Variants in CACNA2D4 observed in about 807,000 individuals in gnomAD.
The protein encoded by CACNA2D4 is voltage-dependent calcium channel subunit alpha-2/delta-4.
Under a neutral mutation model 163.8 loss-of-function variants are expected in CACNA2D4, and 157 were observed. That is an observed-to-expected ratio of 0.96 (90% CI 0.84 to 1.09). The LOEUF is 1.09. Ranked by LOEUF, CACNA2D4 falls within the 50% of genes least tolerant of loss-of-function variation. The probability of loss-of-function intolerance (pLI) is 0.00; values close to 1 mark genes in which losing one functional copy is unlikely to be tolerated. For synonymous variants in CACNA2D4, 598 were observed against 586.9 expected, an observed-to-expected ratio of 1.02 and a Z score of -0.27; for missense variants, 1,410 against 1,479.9, an observed-to-expected ratio of 0.95 and a Z score of 0.78.
At chr12:1,886,912 G>T in intron 7 of CACNA2D4, 97 bp downstream of exon 7, 1 of 784,744 alleles carries the variant, frequency 1.3e-6, no homozygotes, top group Non-Finnish European at 2.2e-6. Context: ...CTTGAGTGGC[G>T]GTGGGGGAAG....
chr12:1,815,998 C>G (rs1000217201), intron 26 of CACNA2D4, among the ~76,000 whole-genome samples: 3 of 152,218 alleles, frequency 2.0e-5, no homozygotes, highest in Non-Finnish European at 4.4e-5. Context: ...CCGTGCCCAA[C>G]CGCTTGCATC....
chr12:1,884,929 C>A (rs373136107), intron 10 of CACNA2D4, 48 bp from the exon 11 acceptor site: 2 of 1,600,806 alleles, frequency 1.2e-6, no homozygotes, highest in East Asian at 2.2e-5. Context: ...AGCCCACCCC[C>A]CTCCACCTGC....
intron 26 of CACNA2D4, 159 bp from the exon 27 acceptor site, chr12:1,811,882 C>T: frequency 8.1e-6 from 5 of 615,556 alleles, no homozygotes; most frequent in East Asian, 3.0e-5. Context: ...ACTGGGGTTT[C>T]TGGGGAGTGG....
chr12:1,870,203 G>A (rs1056368327), intron 18 of CACNA2D4, among the ~76,000 whole-genome samples: 3 of 152,078 alleles, frequency 2.0e-5, no homozygotes, highest in South Asian at 2.1e-4. Flanking sequence ...CCTACTACAC[G>A]TGCAAAAGCT....
Position 1,806,781 on chromosome 12 carries a change from C to G in CACNA2D4, c.2721+3497G>C, listed in dbSNP as rs769578656. On this transcript the variant is annotated intron_variant, in intron 29 of 37. Coordinates refer to ENST00000382722, the MANE Select transcript of CACNA2D4 (RefSeq NM_172364.5). This position sits in a 1 kb window ranked among gnomAD's most constrained non-coding sequence, Gnocchi z 4.1. ...GAGTCCCTAGGTCTGGGGTGGGACC[C>G]TGGCAAATCTGCATCTCTAACAAGC... Among the ~76,000 whole-genome samples the G allele has an allele frequency of 6.6e-6, 1 of 152,164 alleles. No individual in the cohort carries two copies. The highest frequency in any genetic ancestry group is 1.5e-5 in the Non-Finnish European group (1 of 68,030).
In CACNA2D4 at chr12:1,834,210, G is replaced by C; in HGVS notation, c.2551+6529C>G. 1 of 1,509,894 alleles carries C rather than the reference G, an allele frequency of 6.6e-7. No homozygotes were observed. The highest frequency in any genetic ancestry group is 2.3e-5 in the East Asian group (1 of 43,836). 93.5% of individuals were successfully genotyped at this position (1,509,894 alleles called of 1,614,324 possible). ...CGTTTTGGGGAGCTGGGGATGGGGA[G>C]AGGGAGTGCAAGTTCTAGATGCCTG... On this transcript the variant is annotated intron_variant, in intron 26 of 37. Transcript: ENST00000382722. This position sits in a 1 kb window ranked among gnomAD's most constrained non-coding sequence, Gnocchi z 7.6.
At position 1,843,277 on chromosome 12, in the gene CACNA2D4, C is replaced by A. The variant is rs1865070887; in HGVS notation, c.2470+1125G>T. Reference sequence around the variant, plus strand: ...TTCCCTGTCCTGGTCCCAGGAGGATCCCCGGGATCCTGGGCCTCCCCAGCC... The same window carrying A: ...TTCCCTGTCCTGGTCCCAGGAGGATACCCGGGATCCTGGGCCTCCCCAGCC... On this transcript the variant is annotated intron_variant, in intron 25 of 37. Coordinates refer to ENST00000382722, the MANE Select transcript of CACNA2D4 (RefSeq NM_172364.5). The surrounding 1 kb of genome is among the most constrained non-coding windows in gnomAD (Gnocchi z 4.6). 6.6e-6 allele frequency among the ~76,000 whole-genome samples: 1 copy of A among 152,076 alleles called. No individual in the cohort carries two copies. Among genetic ancestry groups the A allele is most frequent in the Non-Finnish European group, 1.5e-5 (1 of 68,016 alleles).
At chr12:1,916,237 T>C (rs536070929) in intron 1 of CACNA2D4, among the ~76,000 whole-genome samples, 82 of 152,240 alleles carry the variant, frequency 5.4e-4, no homozygotes, top group Non-Finnish European at 1.1e-3. Flanking sequence ...TGAAAAGTGA[T>C]GTGTGTACCT....
At chr12:1,860,294 T>G in intron 18 of CACNA2D4, 88 bp from the exon 19 acceptor site, 1 of 943,330 alleles carries the variant, frequency 1.1e-6, no homozygotes, top group Non-Finnish European at 1.7e-6. Flanking sequence ...GGGGTCTTCA[T>G]CGTCACTGTA....
chr12:1,884,149 TG>T, intron 12 of CACNA2D4, 93 bp downstream of exon 12: 1 of 1,089,548 alleles, frequency 9.2e-7, no homozygotes, highest in East Asian at 2.6e-5. Flanking sequence ...TAGGGGCCCA[TG>T]GGGAAGCCCG....
In CACNA2D4 at chr12:1,869,211, T is replaced by C. The variant is rs1160511605; in HGVS notation, c.1878+5393A>G. ...ACACTTCCAGACTCAATGCCCAGTGTGGTTTCGAGTCAGGGTCAGCCAAAG... is the reference window on the plus strand; with the variant it reads ...ACACTTCCAGACTCAATGCCCAGTGCGGTTTCGAGTCAGGGTCAGCCAAAG... On this transcript the variant is annotated intron_variant, in intron 18 of 37. Transcript: ENST00000382722. The surrounding 1 kb of genome is among the most constrained non-coding windows in gnomAD (Gnocchi z 4.7). Among the ~76,000 whole-genome samples, 1 of 152,236 alleles carries C rather than the reference T, an allele frequency of 6.6e-6. No homozygotes were observed. Among genetic ancestry groups the C allele is most frequent in the Admixed American group, 6.5e-5 (1 of 15,288 alleles).
chr12:1,891,605 A>G (rs1251513294), intron 6 of CACNA2D4, among the ~76,000 whole-genome samples: 3 of 152,076 alleles, frequency 2.0e-5, no homozygotes, highest in African/African-American at 7.2e-5. Flanking sequence ...TTTATATAAT[A>G]CCGGAAAATG....
In CACNA2D4 at chr12:1,884,306, A is replaced by G. The variant is rs369528514; in HGVS notation, c.1288T>C (p.Tyr430His). ...AAAGACACTTCTCTCCCAATGAGGT[A>G]AGTGAAAACTCGGACCTAACCCACA... ...WPDCKVRVFT[Y>H]LIGREVSFAD... Residue 430 changes from tyrosine (Y) to histidine (H), a missense_variant, in exon 12 of 38, where the codon TAC becomes CAC. By Grantham distance (83) the Tyr-to-His change is moderately conservative (BLOSUM62 2). Transcript: ENST00000382722. The G allele has an allele frequency of 1.1e-5, 17 of 1,612,542 alleles. No individual in the cohort carries two copies. The highest frequency in any genetic ancestry group is 1.7e-6 in the Non-Finnish European group (2 of 1,179,482).
rs201812077 is a variant in CACNA2D4 at position 1,828,804 on chromosome 12, T to C, written c.2551+11935A>G. On this transcript the variant is annotated intron_variant, in intron 26 of 37. Transcript: ENST00000382722. This position sits in a 1 kb window ranked among gnomAD's most constrained non-coding sequence, Gnocchi z 4.2. ...TCCTGCATATAGGCAGACTGAGCCG[T>C]CCATTTACCAAAAAGGGGAGGAAGC... 1.6e-4 allele frequency among the ~76,000 whole-genome samples: 25 copies of C among 152,218 alleles called. No homozygotes were observed. In the East Asian group the frequency reaches 4.6e-3, roughly 28 times the overall value.
chr12:1,801,302 CAATG>C (rs1863316323), intron 30 of CACNA2D4, among the ~76,000 whole-genome samples, 184 bp from the exon 31 acceptor site: 1 of 152,234 alleles, frequency 6.6e-6, no homozygotes, highest in Non-Finnish European at 1.5e-5. Context: ...GGTTTAAAGA[CAATG>C]AAGAGCAAAT....
chr12:1,809,333 T>G, intron 29 of CACNA2D4: 1 of 587,334 alleles, frequency 1.7e-6, no homozygotes, highest in East Asian at 2.8e-5. Context: ...GGGGCTGGCT[T>G]AGACACTGTG....
chr12:1,895,660 G>A (rs752238638), intron 6 of CACNA2D4, among the ~76,000 whole-genome samples: 1 of 151,968 alleles, frequency 6.6e-6, no homozygotes, highest in Non-Finnish European at 1.5e-5. Flanking sequence ...TAGAGGTAGG[G>A]TCTTGCTCTG....
rs773662848 is a variant in CACNA2D4, at chr12:1,843,249, G to A, written c.2470+1153C>T. ...GGGGTGGAGCTCCTCCCTGCTGTTT[G>A]CCTTCCCTGTCCTGGTCCCAGGAGG... On this transcript the variant is annotated intron_variant, in intron 25 of 37. Coordinates refer to ENST00000382722, the MANE Select transcript of CACNA2D4 (RefSeq NM_172364.5). The surrounding 1 kb of genome is among the most constrained non-coding windows in gnomAD (Gnocchi z 4.6). Among the ~76,000 whole-genome samples, 2 of 152,190 alleles carry A rather than the reference G, an allele frequency of 1.3e-5. No homozygotes were observed. The highest frequency in any genetic ancestry group is 2.9e-5 in the Non-Finnish European group (2 of 68,020).
At chr12:1,797,881 G>A (rs1863183954) in intron 34 of CACNA2D4, among the ~76,000 whole-genome samples, 1 of 152,164 alleles carries the variant, frequency 6.6e-6, no homozygotes, top group Non-Finnish European at 1.5e-5. Flanking sequence ...GTCTGAGCGG[G>A]GAGCAGAGGC....
Sources: gnomAD v4.1 joint callset for allele counts (sites outside exome capture counted in the v4.1 genomes callset) on GRCh38, gnomAD v4.1.1 for gene constraint, Gnocchi (gnomAD v3.1) non-coding constraint, MANE v1.5 for transcripts, NCBI Gene and HGNC (gene_info 2026-07-23, HGNC 2026-07-21) for gene names.